Variants in WASF1 observed in about 807,000 individuals in gnomAD.
The protein encoded by WASF1 is actin-binding protein WASF1.
A neutral mutation model predicts 50.5 loss-of-function variants in WASF1; 7 were observed. The observed-to-expected ratio is 0.14, with a 90% CI of 0.08 to 0.26. The LOEUF is 0.26. Among genes scored for constraint, WASF1 ranks in the 10% least tolerant of loss-of-function variants. The pLI, the probability that WASF1 is intolerant of heterozygous loss-of-function variation, is 1.00. For synonymous variants in WASF1, 205 were observed against 244.0 expected, an observed-to-expected ratio of 0.84 and a Z score of 1.49; for missense variants, 470 against 694.7, an observed-to-expected ratio of 0.68 and a Z score of 3.64.
At chr6:110,118,821 A>G (rs1232432137) in intron 4 of WASF1, among the ~76,000 whole-genome samples, 2 of 152,232 alleles carry the variant, frequency 1.3e-5, no homozygotes, top group African/African-American at 4.8e-5. Context: ...AATGTAAAAG[A>G]ACAGAAATCA....
intron 2 of WASF1, among the ~76,000 whole-genome samples, chr6:110,173,173 G>A (rs1483997461): frequency 1.3e-5 from 2 of 152,114 alleles, no homozygotes; most frequent in African/African-American, 4.8e-5. Flanking sequence ...AATCAAACAA[G>A]TTATTCCATG....
intron 3 of WASF1, among the ~76,000 whole-genome samples, chr6:110,146,597 T>C (rs1189054182): frequency 1.3e-5 from 2 of 151,994 alleles, no homozygotes; most frequent in Non-Finnish European, 2.9e-5. Context: ...CCACAGGTCT[T>C]TAAACGGTGA....
At chr6:110,125,417 A>G (rs1174304338) in intron 4 of WASF1, among the ~76,000 whole-genome samples, 3 of 152,146 alleles carry the variant, frequency 2.0e-5, no homozygotes, top group Non-Finnish European at 4.4e-5. Flanking sequence ...GCCTCCTTCT[A>G]GTATCTCCTC....
At position 110,100,348 on chromosome 6, in the gene WASF1, T is replaced by G; in HGVS notation, c.*174A>C. 1 of 632,540 alleles carries G rather than the reference T, an allele frequency of 1.6e-6. No homozygotes were observed. Among genetic ancestry groups the G allele is most frequent in the Non-Finnish European group, 2.5e-6 (1 of 399,012 alleles). 39.2% of individuals were successfully genotyped at this position (632,540 alleles called of 1,614,324 possible). A position where few individuals can be genotyped will look rare whatever the true frequency, so the allele number is the denominator to read the frequency against. Reference sequence around the variant, plus strand: ...AAAAAGATAAGCCACTGTAAAACATTTAGTTTGAAATGTATGCTAATATTT... The same window carrying G: ...AAAAAGATAAGCCACTGTAAAACATGTAGTTTGAAATGTATGCTAATATTT... On this transcript the variant is annotated 3_prime_UTR_variant, in exon 11 of 11. Transcript: ENST00000392589.
intron 4 of WASF1, among the ~76,000 whole-genome samples, chr6:110,120,191 T>C (rs1774029834): frequency 6.6e-6 from 1 of 151,996 alleles, no homozygotes. Flanking sequence ...GCTAGAGCAA[T>C]CAGGCAAGAA....
intron 2 of WASF1, among the ~76,000 whole-genome samples, chr6:110,163,412 C>T (rs1776340911): frequency 1.3e-5 from 2 of 151,386 alleles, no homozygotes; most frequent in Admixed American, 6.6e-5. Flanking sequence ...CTGTTCCAGG[C>T]TGTAGACTTC....
Position 110,100,355 on chromosome 6 carries a change from G to T in WASF1, c.*167C>A. On this transcript the variant is annotated 3_prime_UTR_variant, in exon 11 of 11. Transcript: ENST00000392589. ...TAAGCCACTGTAAAACATTTAGTTTGAAATGTATGCTAATATTTTCCTTAG... is the reference window on the plus strand; with the variant it reads ...TAAGCCACTGTAAAACATTTAGTTTTAAATGTATGCTAATATTTTCCTTAG... The T allele has an allele frequency of 1.5e-6, 1 of 661,418 alleles. No homozygotes were observed. The highest frequency in any genetic ancestry group is 2.4e-6 in the Non-Finnish European group (1 of 421,666). 41.0% of individuals were successfully genotyped at this position (661,418 alleles called of 1,614,324 possible).
chr6:110,125,471 A>T (rs1252201390), intron 4 of WASF1, among the ~76,000 whole-genome samples: 1 of 152,138 alleles, frequency 6.6e-6, no homozygotes, highest in African/African-American at 2.4e-5. Flanking sequence ...CTGTTTGGAA[A>T]CCACATCATC....
chr6:110,113,711 C>T (rs892944896), intron 4 of WASF1, among the ~76,000 whole-genome samples: 13 of 152,054 alleles, frequency 8.5e-5, no homozygotes, highest in African/African-American at 3.1e-4. Flanking sequence ...TCAATAAATA[C>T]ATTGAAAATT....
intron 3 of WASF1, among the ~76,000 whole-genome samples, chr6:110,151,711 A>G (rs1775833890): frequency 6.6e-6 from 1 of 152,138 alleles, no homozygotes; most frequent in Non-Finnish European, 1.5e-5. Context: ...CACCTCTATT[A>G]TGTTTACTTT....
intron 4 of WASF1, among the ~76,000 whole-genome samples, chr6:110,121,270 T>C: frequency 6.6e-6 from 1 of 151,674 alleles, no homozygotes. Context: ...TGGGAGAAAA[T>C]CCTTGCAATC....
intron 3 of WASF1, among the ~76,000 whole-genome samples, chr6:110,147,243 G>T (rs1583999479): frequency 3.3e-5 from 5 of 150,328 alleles, no homozygotes; most frequent in African/African-American, 4.9e-5. Flanking sequence ...CTACTCGGGA[G>T]GCTGAGGCAG....
At chr6:110,168,080 C>T (rs1003423453) in intron 2 of WASF1, among the ~76,000 whole-genome samples, 1 of 151,956 alleles carries the variant, frequency 6.6e-6, no homozygotes, top group Admixed American at 6.6e-5. Flanking sequence ...ATCTCTTATA[C>T]CTCAAAGAAT....
At chr6:110,144,069 A>T (rs889485744) in intron 3 of WASF1, among the ~76,000 whole-genome samples, 1 of 152,170 alleles carries the variant, frequency 6.6e-6, no homozygotes. Flanking sequence ...ACTAGTTTAC[A>T]GTCCCACCAA....
In WASF1 at chr6:110,103,493, T is replaced by A. The variant is rs1005223193; in HGVS notation, c.778A>T (p.Met260Leu). The A allele has an allele frequency of 5.6e-6, 9 of 1,613,946 alleles. No individual in the cohort carries two copies. The highest frequency in any genetic ancestry group is 6.8e-6 in the Non-Finnish European group (8 of 1,179,958). ...YSLSALPFSQ[M>L]SELLTRAEER... ...TCAGCTCTAGTCAGAAGCTCACTCA[T>A]CTGACTAAATGGCAAGGCAGAAAGT... The change falls in exon 9 of 11, where the codon ATG becomes TTG. Residue 260 changes from methionine to leucine, a missense_variant. This residue lies in a region of WASF1 where 294 missense variants were observed against 343.5 expected (regional missense o/e 0.86). Transcript: ENST00000392589.
intron 3 of WASF1, among the ~76,000 whole-genome samples, chr6:110,149,220 T>C (rs1024807271): frequency 1.3e-5 from 2 of 152,246 alleles, no homozygotes; most frequent in Non-Finnish European, 2.9e-5. Context: ...TTCATTTTTT[T>C]CCTTACATTT....
chr6:110,151,920 A>ATAT (rs1366703879), intron 3 of WASF1, among the ~76,000 whole-genome samples: 8 of 152,188 alleles, frequency 5.3e-5, no homozygotes, highest in African/African-American at 1.9e-4. Flanking sequence ...TTATATGCAC[A>ATAT]TATTATTATA....
chr6:110,102,775 T>C (rs1773151705), intron 9 of WASF1, among the ~76,000 whole-genome samples: 1 of 150,216 alleles, frequency 6.7e-6, no homozygotes, highest in Admixed American at 6.6e-5. Context: ...AGCTGATCTC[T>C]ATATCTCTAT....
At chr6:110,109,493 T>G (rs1432416144) in intron 5 of WASF1, among the ~76,000 whole-genome samples, 2 of 152,088 alleles carry the variant, frequency 1.3e-5, no homozygotes, top group African/African-American at 4.8e-5. Flanking sequence ...AATATGGCCT[T>G]AAGTATACAG....
Sources: allele counts gnomAD v4.1 joint callset (sites outside exome capture counted in the v4.1 genomes callset), GRCh38; gene constraint gnomAD v4.1.1; regional missense constraint gnomAD v4.1.1; transcripts MANE v1.5; gene names NCBI Gene and HGNC (gene_info 2026-07-23, HGNC 2026-07-21).